Variants in SMARCA4 observed in about 807,000 individuals in gnomAD.
SMARCA4 encodes the protein SWI/SNF-related matrix-associated actin-dependent regulator of chromatin subfamily A member 4.
SMARCA4 carries 31 observed loss-of-function variants against 193.9 expected under a neutral mutation model. The observed-to-expected ratio is 0.16, with a 90% CI of 0.12 to 0.22. The LOEUF is 0.22. Among genes scored for constraint, SMARCA4 ranks in the 10% least tolerant of loss-of-function variants. The pLI, the probability that SMARCA4 is intolerant of heterozygous loss-of-function variation, is 1.00. For synonymous variants in SMARCA4, 942 were observed against 933.1 expected (o/e 1.01, Z -0.17); for missense variants, 1,148 against 2,296.0 (o/e 0.50, Z 10.22).
At chr19:11,000,495 C>T (rs1458020480) in intron 11 of SMARCA4, among the ~76,000 whole-genome samples, 1 of 152,104 alleles carries the variant, frequency 6.6e-6, no homozygotes, top group African/African-American at 2.4e-5. Flanking sequence ...CCACTGCATT[C>T]CAGCCTGGGG....
At chr19:11,022,442 A>G (rs1012923326) in intron 19 of SMARCA4, among the ~76,000 whole-genome samples, 5 of 152,188 alleles carry the variant, frequency 3.3e-5, no homozygotes, top group East Asian at 1.9e-4. Flanking sequence ...GTGTGTCTCA[A>G]TGTCTGGGTG....
rs2076923143 is a variant in SMARCA4 at position 11,061,976 on chromosome 19, CTGTT to C, written c.*164_*167del. 18 of 704,840 alleles carry C rather than the reference CTGTT, an allele frequency of 2.6e-5. No homozygotes were observed. The highest frequency in any genetic ancestry group is 4.1e-5 in the Non-Finnish European group (16 of 392,968). The allele number at this position is 704,840 out of a possible 1,614,324, so 43.7% of individuals were successfully genotyped here. A position where few individuals can be genotyped will look rare whatever the true frequency, so the allele number is the denominator to read the frequency against. On this transcript the variant is annotated 3_prime_UTR_variant, in exon 35 of 35. Transcript: ENST00000344626. ...TTTATACAGCAGAGAAGCTGTAGGA[CTGTT>C]TGTGACTGGCCCTGTCCTGGCATCA...
At chr19:11,061,646 G>A in intron 34 of SMARCA4, 138 bp from the exon 35 acceptor site, 4 of 836,692 alleles carry the variant, frequency 4.8e-6, no homozygotes, top group Non-Finnish European at 8.2e-6. Flanking sequence ...AAAGTGCTGG[G>A]ATTACGGGCG....
chr19:11,010,583 G>C lies in SMARCA4; in HGVS notation c.2274+52G>C, dbSNP rs2146242186. Reference sequence around the variant, plus strand: ...GCCACGTAGCTGCCTCGGTGCAGGTGTTCCCAGGTGGTGCGGGCTTCAGAC... The same window carrying C: ...GCCACGTAGCTGCCTCGGTGCAGGTCTTCCCAGGTGGTGCGGGCTTCAGAC... On this transcript the variant is annotated intron_variant, in intron 15 of 34. Transcript: ENST00000344626. The C allele has an allele frequency of 2.5e-6, 4 of 1,584,852 alleles. No homozygotes were observed. The South Asian group carries it at 4.4e-5, about 18-fold the overall frequency.
intron 30 of SMARCA4, among the ~76,000 whole-genome samples, chr19:11,043,940 C>T (rs1008448939): frequency 3.3e-5 from 5 of 152,190 alleles, no homozygotes; most frequent in Admixed American, 3.3e-4. Flanking sequence ...TGCACCACTG[C>T]ACTCCAGCCT....
At chr19:11,046,357 C>T (rs2075916922) in intron 30 of SMARCA4, among the ~76,000 whole-genome samples, 1 of 152,204 alleles carries the variant, frequency 6.6e-6, no homozygotes, top group Non-Finnish European at 1.5e-5. Context: ...ACATTTCAGT[C>T]ACACAGCAAT....
In SMARCA4 at chr19:10,986,645, G is replaced by C; in HGVS notation, c.760+52G>C. 6.5e-7 allele frequency: 1 copy of C among 1,534,342 alleles called. No individual in the cohort carries two copies. The highest frequency in any genetic ancestry group is 8.7e-7 in the Non-Finnish European group (1 of 1,146,480). ...GTGTCTCAGAGCGAATGGCTGGGGCGTGGGTGGCGGGGTGGACAGACCGTG... is the reference window on the plus strand; with the variant it reads ...GTGTCTCAGAGCGAATGGCTGGGGCCTGGGTGGCGGGGTGGACAGACCGTG... On this transcript the variant is annotated intron_variant, in intron 4 of 34. Coordinates refer to ENST00000344626, the MANE Select transcript of SMARCA4 (RefSeq NM_003072.5). This position sits in a 1 kb window ranked among gnomAD's most constrained non-coding sequence, Gnocchi z 6.7.
intron 10 of SMARCA4, 57 bp downstream of exon 10, chr19:10,996,437 C>A (rs995774535): frequency 6.2e-7 from 1 of 1,613,220 alleles, no homozygotes; most frequent in South Asian, 1.1e-5. Flanking sequence ...GCCGTCTTCA[C>A]GTGTGTGGCC....
intron 25 of SMARCA4, chr19:11,032,593 G>A (rs2074999476): frequency 6.6e-6 from 1 of 152,632 alleles, no homozygotes; most frequent in Non-Finnish European, 1.5e-5. Flanking sequence ...TTGAACTTCG[G>A]GAGGCAGAGG....
chr19:11,061,858 A>C lies in SMARCA4; in HGVS notation c.*42A>C. On this transcript the variant is annotated 3_prime_UTR_variant, in exon 35 of 35. Transcript: ENST00000344626. The stretch of plus-strand genomic sequence containing the variant: ...CTCGACCCCGAGCCCCTCGTTCCAG[A>C]GCTGAGATGGCATAGGCCTTAGCAG... The C allele has an allele frequency of 6.3e-7, 1 of 1,595,996 alleles. No homozygotes were observed.
intron 30 of SMARCA4, among the ~76,000 whole-genome samples, chr19:11,049,238 G>A (rs1280555078): frequency 6.6e-6 from 1 of 152,050 alleles, no homozygotes; most frequent in Non-Finnish European, 1.5e-5. Flanking sequence ...CCAGCACCAG[G>A]GGCCTCACAG....
At chr19:11,024,799 C>G (rs1323137850) in intron 21 of SMARCA4, among the ~76,000 whole-genome samples, 1 of 152,142 alleles carries the variant, frequency 6.6e-6, no homozygotes, top group Non-Finnish European at 1.5e-5. Flanking sequence ...CCCCAGGCCC[C>G]ACCTGCCTGG....
In SMARCA4 at chr19:11,034,096, C is replaced by T. The variant is rs372811099; in HGVS notation, c.3874-27C>T. 1.7e-4 allele frequency: 266 copies of T among 1,591,162 alleles called. No homozygotes were observed. Among genetic ancestry groups the T allele is most frequent in the Non-Finnish European group, 2.1e-4 (243 of 1,160,086 alleles). ...GCCGCCCACCCCGGCCCCTCCTCAGCGGCACTGACAGTTTGCAATCTTATA... is the reference window on the plus strand; with the variant it reads ...GCCGCCCACCCCGGCCCCTCCTCAGTGGCACTGACAGTTTGCAATCTTATA... On this transcript the variant is annotated intron_variant, in intron 27 of 34. Transcript: ENST00000344626. This position sits in a 1 kb window ranked among gnomAD's most constrained non-coding sequence, Gnocchi z 7.0.
rs2086372885 is a variant in SMARCA4 at position 10,989,580 on chromosome 19, A to G, written c.1245+137A>G. 9 of 940,844 alleles carry G rather than the reference A, an allele frequency of 9.6e-6. No individual in the cohort carries two copies. The South Asian group carries it at 1.2e-4, about 12-fold the overall frequency. 58.3% of individuals were successfully genotyped at this position (940,844 alleles called of 1,614,324 possible). On this transcript the variant is annotated intron_variant, in intron 7 of 34. Coordinates refer to ENST00000344626, the MANE Select transcript of SMARCA4 (RefSeq NM_003072.5). ...AAAGCAGCCGTGGCCATCCATGGGC[A>G]CTCAATCACTGCAGAGCCTTCCTCT...
Position 11,033,248 on chromosome 19 carries a change from C to T in SMARCA4, c.3547-42C>T. The T allele has an allele frequency of 6.7e-7, 1 of 1,501,678 alleles. No individual in the cohort carries two copies. Among genetic ancestry groups the T allele is most frequent in the African/African-American group, 1.4e-5 (1 of 72,892 alleles). The allele number at this position is 1,501,678 out of a possible 1,614,324, so 93.0% of individuals were successfully genotyped here. A position where few individuals can be genotyped will look rare whatever the true frequency, so the allele number is the denominator to read the frequency against. Reference sequence around the variant, plus strand: ...CAGAGGCCACCTTCCCTTTTATGACCTCCTGGGCTCCTTTGGGACTGACTG... The same window carrying T: ...CAGAGGCCACCTTCCCTTTTATGACTTCCTGGGCTCCTTTGGGACTGACTG... On this transcript the variant is annotated intron_variant, in intron 25 of 34. Coordinates refer to ENST00000344626, the MANE Select transcript of SMARCA4 (RefSeq NM_003072.5). This position sits in a 1 kb window ranked among gnomAD's most constrained non-coding sequence, Gnocchi z 9.8.
chr19:10,997,347 T>G (rs373924062), intron 11 of SMARCA4, among the ~76,000 whole-genome samples: 1 of 151,918 alleles, frequency 6.6e-6, no homozygotes, highest in Non-Finnish European at 1.5e-5. Flanking sequence ...TACAGGCACC[T>G]GCTACCACGC....
chr19:10,964,430 C>A (rs1482803202), intron 1 of SMARCA4, among the ~76,000 whole-genome samples: 1 of 151,672 alleles, frequency 6.6e-6, no homozygotes, highest in Non-Finnish European at 1.5e-5. Flanking sequence ...TCTGACTCAG[C>A]CTCCTGAGTA....
intron 29 of SMARCA4, among the ~76,000 whole-genome samples, chr19:11,036,102 A>G (rs550580912): frequency 6.6e-6 from 1 of 152,286 alleles, no homozygotes; most frequent in South Asian, 2.1e-4. Context: ...GCTGTGCACC[A>G]GAGGGCGCTG....
At chr19:10,993,025 G>A (rs1274225791) in intron 8 of SMARCA4, among the ~76,000 whole-genome samples, 11 of 105,990 alleles carry the variant, frequency 1.0e-4, no homozygotes, top group African/African-American at 4.2e-4. Context: ...TCACTCTGTT[G>A]CCCAGGCTGG....
Sources: allele counts gnomAD v4.1 joint callset (sites outside exome capture counted in the v4.1 genomes callset), GRCh38; gene constraint gnomAD v4.1.1; non-coding constraint Gnocchi (gnomAD v3.1); transcripts MANE v1.5; gene names NCBI Gene and HGNC (gene_info 2026-07-23, HGNC 2026-07-21).